Variants in EYS observed in about 807,000 individuals in gnomAD.
EYS encodes the protein protein eyes shut homolog.
In EYS, 250 loss-of-function variants were observed where a neutral mutation model predicts 282.1. The ratio of observed to expected loss-of-function variants is 0.89; its 90% CI spans 0.80 to 0.98. The LOEUF (loss-of-function observed/expected upper bound fraction) is 0.98, where lower values mean the gene tolerates loss of function less well. Ranked by LOEUF, EYS falls within the 50% of genes least tolerant of loss-of-function variation. The pLI is 0.00. For synonymous variants in EYS, 1,355 were observed against 1,282.9 expected (o/e 1.06, Z -1.20); for missense variants, 4,016 against 3,709.0 (o/e 1.08, Z -2.15).
chr6:64,485,789 T>C (rs1016457728), intron 26 of EYS, among the ~76,000 whole-genome samples: 3 of 151,476 alleles, frequency 2.0e-5, no homozygotes, highest in Non-Finnish European at 4.4e-5. Context: ...GAATTTCATA[T>C]AATGAATCCA....
intron 30 of EYS, among the ~76,000 whole-genome samples, chr6:64,296,590 ATATATATATT>A (rs1769027725): frequency 1.1e-3 from 5 of 4,662 alleles, no homozygotes; most frequent in South Asian, 0.011. Flanking sequence ...ATATACATAT[ATATATATATT>A]TTTTTTTTTT....
chr6:65,238,921 C>A (rs1293565929), intron 12 of EYS, among the ~76,000 whole-genome samples: 1 of 151,902 alleles, frequency 6.6e-6, no homozygotes, highest in Non-Finnish European at 1.5e-5. Flanking sequence ...TATAAAATTA[C>A]AATCATATTA....
At chr6:63,889,810 A>C (rs1257278819) in intron 35 of EYS, among the ~76,000 whole-genome samples, 1 of 152,224 alleles carries the variant, frequency 6.6e-6, no homozygotes, top group Non-Finnish European at 1.5e-5. Flanking sequence ...TGCCCCAATT[A>C]AAAGGCACAG....
intron 35 of EYS, among the ~76,000 whole-genome samples, chr6:63,930,832 C>A (rs562374259): frequency 6.6e-6 from 1 of 152,134 alleles, no homozygotes; most frequent in Non-Finnish European, 1.5e-5. Context: ...TGCAACCCAC[C>A]CCTTTATCCT....
chr6:64,238,383 G>T (rs1181078628), intron 30 of EYS, among the ~76,000 whole-genome samples: 1 of 152,076 alleles, frequency 6.6e-6, no homozygotes, highest in African/African-American at 2.4e-5. Flanking sequence ...AGTACAGAGG[G>T]TTATTATTAT....
At chr6:64,401,128 ATAGATGAAATAGGCAAATTCTG>A (rs1435789793) in intron 28 of EYS, among the ~76,000 whole-genome samples, 1 of 152,096 alleles carries the variant, frequency 6.6e-6, no homozygotes, top group Non-Finnish European at 1.5e-5. Flanking sequence ...GACTAAGGAG[ATAGATGAAATAGGCAAATTCTG>A]TAGATAAATA....
At chr6:64,396,100 T>A (rs1171357253) in intron 28 of EYS, among the ~76,000 whole-genome samples, 2 of 151,978 alleles carry the variant, frequency 1.3e-5, no homozygotes, top group African/African-American at 4.8e-5. Context: ...ACATACTCTC[T>A]CTCACAACTC....
chr6:64,977,794 G>C (rs571762301), intron 14 of EYS, among the ~76,000 whole-genome samples: 234 of 151,878 alleles, frequency 1.5e-3, no homozygotes, highest in Non-Finnish European at 2.7e-3. Flanking sequence ...CTGGATAGAA[G>C]ATCAAATAAG....
chr6:64,485,528 A>G (rs918351370), intron 26 of EYS, among the ~76,000 whole-genome samples: 7 of 151,522 alleles, frequency 4.6e-5, no homozygotes, highest in Non-Finnish European at 1.0e-4. Flanking sequence ...TGGTGAAAAA[A>G]TCACTGTTCA....
At chr6:64,014,038 T>C (rs573287676) in intron 33 of EYS, among the ~76,000 whole-genome samples, 1 of 152,272 alleles carries the variant, frequency 6.6e-6, no homozygotes, top group South Asian at 2.1e-4. Context: ...TGTTCACTCC[T>C]CTGAGTAATC....
chr6:64,132,902 GTATAT>G (rs1405117281), intron 31 of EYS, among the ~76,000 whole-genome samples: 1 of 151,762 alleles, frequency 6.6e-6, no homozygotes, highest in East Asian at 1.9e-4. Context: ...TCATGCTAAG[GTATAT>G]ATAAATGTGG....
intron 33 of EYS, among the ~76,000 whole-genome samples, chr6:64,028,518 A>G (rs1185574522): frequency 6.6e-6 from 1 of 152,170 alleles, no homozygotes; most frequent in Non-Finnish European, 1.5e-5. Flanking sequence ...GCTCTCTCAA[A>G]TACCAGAGGA....
chr6:64,096,626 A>G (rs1225010848), intron 31 of EYS, among the ~76,000 whole-genome samples: 1 of 151,986 alleles, frequency 6.6e-6, no homozygotes, highest in South Asian at 2.1e-4. Flanking sequence ...ACTTCTCTGC[A>G]TTGGTTATTC....
At chr6:65,318,056 A>G (rs1172880730) in intron 11 of EYS, among the ~76,000 whole-genome samples, 2 of 150,810 alleles carry the variant, frequency 1.3e-5, no homozygotes, top group Admixed American at 6.6e-5. Context: ...TTCAGTAGAG[A>G]CGGGATTTCA....
At chr6:63,994,831 G>GA (rs1477689437) in intron 34 of EYS, among the ~76,000 whole-genome samples, 1 of 151,822 alleles carries the variant, frequency 6.6e-6, no homozygotes. Flanking sequence ...TTTGAAAATT[G>GA]AAAAAATTAA....
In EYS at chr6:65,481,792, G is replaced by A. The variant is rs376160340; in HGVS notation, c.862+8802C>T. On this transcript the variant is annotated intron_variant, in intron 5 of 42. Transcript: ENST00000503581. ...TCACTGTGTTAGCCAGGATGGTCTC[G>A]ATCTCCTTACCTCATGATCCATCCG... 2.6e-4 allele frequency among the ~76,000 whole-genome samples: 39 copies of A among 152,050 alleles called. 1 individual carries two copies. The East Asian group carries it at 6.4e-3, about 25-fold the overall frequency.
intron 22 of EYS, among the ~76,000 whole-genome samples, chr6:64,767,146 T>A (rs1773377689): frequency 6.6e-6 from 1 of 152,070 alleles, no homozygotes; most frequent in Admixed American, 6.6e-5. Flanking sequence ...AATTTAATTT[T>A]TAATTGGATG....
chr6:64,135,868 A>G (rs1371077671), intron 31 of EYS, among the ~76,000 whole-genome samples: 1 of 152,050 alleles, frequency 6.6e-6, no homozygotes, highest in African/African-American at 2.4e-5. Context: ...CTGGCTGGTC[A>G]GTGTGGTAGT....
intron 31 of EYS, among the ~76,000 whole-genome samples, chr6:64,113,502 G>A (rs1020141327): frequency 4.6e-5 from 7 of 152,230 alleles, no homozygotes; most frequent in Non-Finnish European, 8.8e-5. Flanking sequence ...TATTTACTCC[G>A]TAAATAACAG....
Sources: gnomAD v4.1 joint callset for allele counts (sites outside exome capture counted in the v4.1 genomes callset) on GRCh38, gnomAD v4.1.1 for gene constraint, MANE v1.5 for transcripts, NCBI Gene and HGNC (gene_info 2026-07-23, HGNC 2026-07-21) for gene names.